The following RBFOX1 variants were observed in gnomAD, a reference collection of about 807,000 sequenced individuals.
RBFOX1 encodes the protein RNA binding fox-1 homolog 1.
In RBFOX1, 8 loss-of-function variants were observed where a neutral mutation model predicts 57.7. That is an observed-to-expected ratio of 0.14 (90% confidence interval 0.08 to 0.25). The LOEUF (loss-of-function observed/expected upper bound fraction) is 0.25, where lower values mean the gene tolerates loss of function less well. Among genes scored for constraint, RBFOX1 ranks in the 10% least tolerant of loss-of-function variants. The pLI is 1.00. For missense variants in RBFOX1, 611 were observed against 548.5 expected, an observed-to-expected ratio of 1.11 and a Z score of -1.14; for synonymous variants, 326 against 222.4, an observed-to-expected ratio of 1.47 and a Z score of -4.15.
intron 4 of RBFOX1, among the ~76,000 whole-genome samples, chr16:7,448,693 C>T (rs1206842262): frequency 6.6e-6 from 1 of 152,150 alleles, no homozygotes; most frequent in Non-Finnish European, 1.5e-5. Context: ...TGGTGGCTCC[C>T]CAGCAATCCT....
At chr16:7,297,410 A>G (rs1277626654) in intron 4 of RBFOX1, among the ~76,000 whole-genome samples, 3 of 152,158 alleles carry the variant, frequency 2.0e-5, no homozygotes, top group African/African-American at 2.4e-5. Context: ...AAGGGGTAAG[A>G]TGAGGATCTG....
chr16:7,017,317 G>T (rs1006011501), intron 3 of RBFOX1, among the ~76,000 whole-genome samples: 17 of 152,166 alleles, frequency 1.1e-4, no homozygotes, highest in African/African-American at 4.1e-4. Context: ...GTGTACTATA[G>T]ATCCAGCACC....
intron 11 of RBFOX1, among the ~76,000 whole-genome samples, chr16:7,645,053 A>G (rs1420946053): frequency 6.6e-6 from 1 of 152,162 alleles, no homozygotes; most frequent in East Asian, 1.9e-4. Context: ...TTAGATCAAT[A>G]TATTCAGCTT....
intron 2 of RBFOX1, among the ~76,000 whole-genome samples, chr16:6,422,158 C>A (rs374265181): frequency 4.6e-5 from 7 of 151,486 alleles, no homozygotes; most frequent in Non-Finnish European, 1.0e-4. Context: ...CCTGACCTTA[C>A]GTAATCTGCC....
At position 7,011,101 on chromosome 16, in the gene RBFOX1, C is replaced by G. The variant is rs1448939163; in HGVS notation, c.-15-40956C>G. On this transcript the variant is annotated intron_variant, in intron 3 of 15. Transcript: ENST00000550418. Reference sequence around the variant, plus strand: ...TTTTTTCCTGGGTGGGAAAGGGTCACTGAAAGAAGAGAGGCCATCAGGCTG... The same window carrying G: ...TTTTTTCCTGGGTGGGAAAGGGTCAGTGAAAGAAGAGAGGCCATCAGGCTG... 1.0e-4 allele frequency among the ~76,000 whole-genome samples: 15 copies of G among 150,340 alleles called. No individual in the cohort carries two copies. The East Asian group carries it at 2.7e-3, about 27-fold the overall frequency.
chr16:5,926,980 G>A (rs906415838), intron 4 of RBFOX1, among the ~76,000 whole-genome samples: 1 of 152,156 alleles, frequency 6.6e-6, no homozygotes, highest in Non-Finnish European at 1.5e-5. Context: ...CACAGTCTTA[G>A]CCATCAAACC....
intron 4 of RBFOX1, among the ~76,000 whole-genome samples, chr16:7,076,488 A>AT (rs1156986345): frequency 6.6e-6 from 1 of 152,186 alleles, no homozygotes; most frequent in Non-Finnish European, 1.5e-5. Flanking sequence ...GAAGTGTAAA[A>AT]TATTTTCATA....
intron 1 of RBFOX1, among the ~76,000 whole-genome samples, chr16:5,420,720 G>A (rs2067292652): frequency 6.6e-6 from 1 of 152,032 alleles, no homozygotes; most frequent in South Asian, 2.1e-4. Flanking sequence ...ACTTTTGGTA[G>A]AGATGGGGTT....
intron 3 of RBFOX1, among the ~76,000 whole-genome samples, chr16:5,708,032 T>G (rs1015377833): frequency 1.3e-5 from 2 of 152,122 alleles, no homozygotes; most frequent in African/African-American, 2.4e-5. Flanking sequence ...TAATTATTGT[T>G]GTTGAAAGAG....
intron 9 of RBFOX1, among the ~76,000 whole-genome samples, chr16:7,601,821 G>C (rs1435196093): frequency 6.6e-6 from 1 of 152,126 alleles, no homozygotes; most frequent in East Asian, 1.9e-4. Flanking sequence ...TGTTTCAAGA[G>C]AAATAGAAAT....
intron 1 of RBFOX1, among the ~76,000 whole-genome samples, chr16:6,159,143 C>G (rs2096859313): frequency 1.3e-5 from 2 of 152,122 alleles, no homozygotes; most frequent in Admixed American, 6.5e-5. Flanking sequence ...TTGGCGTGAT[C>G]TCAGCTCACT....
chr16:5,959,728 C>A (rs957019570), intron 4 of RBFOX1, among the ~76,000 whole-genome samples: 5 of 152,196 alleles, frequency 3.3e-5, no homozygotes, highest in Non-Finnish European at 5.9e-5. Context: ...AGGAGAATCA[C>A]TTGATCCCAG....
intron 4 of RBFOX1, among the ~76,000 whole-genome samples, chr16:7,192,882 T>C (rs1306874133): frequency 6.6e-6 from 1 of 152,224 alleles, no homozygotes; most frequent in Non-Finnish European, 1.5e-5. Context: ...GCTTACAACA[T>C]TGTTACTTCG....
chr16:5,674,871 G>A (rs1198940222), intron 3 of RBFOX1, among the ~76,000 whole-genome samples: 2 of 152,152 alleles, frequency 1.3e-5, no homozygotes, highest in African/African-American at 4.8e-5. Flanking sequence ...GGCTGAATAT[G>A]GTGGGTGGCT....
At chr16:7,199,232 G>A (rs1044756984) in intron 4 of RBFOX1, among the ~76,000 whole-genome samples, 1 of 152,148 alleles carries the variant, frequency 6.6e-6, no homozygotes, top group African/African-American at 2.4e-5. Flanking sequence ...GGAGCTAAGA[G>A]CTTAAACCAG....
chr16:6,980,910 G>A (rs892624937), intron 3 of RBFOX1, among the ~76,000 whole-genome samples: 2 of 151,850 alleles, frequency 1.3e-5, no homozygotes, highest in African/African-American at 4.8e-5. Flanking sequence ...GGGCATGGTG[G>A]TGTGTGCTTG....
At chr16:6,448,061 A>G (rs1043516530) in intron 2 of RBFOX1, among the ~76,000 whole-genome samples, 5 of 151,706 alleles carry the variant, frequency 3.3e-5, no homozygotes, top group African/African-American at 7.3e-5. Context: ...CCTTAATTCA[A>G]TGCATTTTCT....
intron 3 of RBFOX1, among the ~76,000 whole-genome samples, chr16:7,045,812 C>A (rs765140670): frequency 1.3e-5 from 2 of 151,948 alleles, no homozygotes; most frequent in African/African-American, 4.8e-5. Flanking sequence ...CATTCCACCA[C>A]GTGTGGCTAA....
chr16:6,499,880 A>T (rs2095865897), intron 2 of RBFOX1, among the ~76,000 whole-genome samples: 1 of 152,152 alleles, frequency 6.6e-6, no homozygotes, highest in South Asian at 2.1e-4. Context: ...TTAGATTACA[A>T]AGGAGTCGGG....
Sources: allele counts gnomAD v4.1 joint callset (sites outside exome capture counted in the v4.1 genomes callset), GRCh38; gene constraint gnomAD v4.1.1; transcripts MANE v1.5; gene names NCBI Gene and HGNC (gene_info 2026-07-23, HGNC 2026-07-21).